The following TANGO6 variants were observed in gnomAD, a reference collection of about 807,000 sequenced individuals.
TANGO6 encodes the protein transport and Golgi organization protein 6 homolog.
Under a neutral mutation model 114.2 loss-of-function variants are expected in TANGO6, and 90 were observed. The ratio of observed to expected loss-of-function variants is 0.79; its 90% CI spans 0.66 to 0.94. The LOEUF (loss-of-function observed/expected upper bound fraction) is 0.94, where lower values mean the gene tolerates loss of function less well. TANGO6 is among the 40% of genes least tolerant of loss of function. The pLI, the probability that TANGO6 is intolerant of heterozygous loss-of-function variation, is 0.00. For missense variants in TANGO6, 1,274 were observed against 1,315.3 expected, an observed-to-expected ratio of 0.97 and a Z score of 0.49; for synonymous variants, 477 against 509.8, an observed-to-expected ratio of 0.94 and a Z score of 0.87.
intron 17 of TANGO6, among the ~76,000 whole-genome samples, chr16:69,072,342 C>G (rs2152243376): frequency 6.6e-6 from 1 of 152,206 alleles, no homozygotes; most frequent in African/African-American, 2.4e-5. Context: ...GAGACGCACC[C>G]AGCCTACTCA....
intron 17 of TANGO6, among the ~76,000 whole-genome samples, chr16:69,060,917 G>A (rs1424284575): frequency 2.0e-5 from 3 of 151,852 alleles, no homozygotes; most frequent in Non-Finnish European, 2.9e-5. Flanking sequence ...ACTTGAACCC[G>A]GGAGGCAGAG....
chr16:69,025,771 C>CTT (rs75186260), intron 16 of TANGO6: 5 of 140,774 alleles, frequency 3.6e-5, no homozygotes, highest in Non-Finnish European at 6.2e-5. Flanking sequence ...TGCACCTGGC[C>CTT]TTTTTTTTTT....
intron 7 of TANGO6, among the ~76,000 whole-genome samples, chr16:68,890,686 A>G (rs1194230710): frequency 6.6e-6 from 1 of 152,070 alleles, no homozygotes; most frequent in African/African-American, 2.4e-5. Context: ...GGAGTTCAAG[A>G]CCAGCCTGGC....
intron 16 of TANGO6, among the ~76,000 whole-genome samples, chr16:69,028,280 T>C (rs1959538350): frequency 1.3e-5 from 2 of 152,256 alleles, no homozygotes; most frequent in South Asian, 4.1e-4. Context: ...TTATTATTTT[T>C]AAATAATGGC....
chr16:69,034,894 GT>G (rs984968071), intron 16 of TANGO6: 160 of 76,226 alleles, frequency 2.1e-3, no homozygotes, highest in African/African-American at 7.6e-3. Context: ...ATTTTTCCTT[GT>G]TCTTGTCAAA....
intron 12 of TANGO6, 77 bp from the exon 13 acceptor site, chr16:68,927,491 T>G: frequency 6.7e-7 from 1 of 1,501,702 alleles, no homozygotes; most frequent in Non-Finnish European, 9.0e-7. Flanking sequence ...TTTCTCAGAA[T>G]ATGTTTCCTG....
intron 15 of TANGO6, among the ~76,000 whole-genome samples, chr16:68,990,990 C>G (rs1963941628): frequency 6.6e-6 from 1 of 152,034 alleles, no homozygotes; most frequent in Non-Finnish European, 1.5e-5. Flanking sequence ...GATGGTAGAT[C>G]TCGAACAAAG....
chr16:69,062,219 C>T (rs1960129196), intron 17 of TANGO6, among the ~76,000 whole-genome samples: 1 of 152,100 alleles, frequency 6.6e-6, no homozygotes, highest in African/African-American at 2.4e-5. Flanking sequence ...TCAGAAAATT[C>T]CAAGAAGTGC....
intron 4 of TANGO6, among the ~76,000 whole-genome samples, chr16:68,868,861 T>G (rs531601464): frequency 2.0e-5 from 3 of 152,294 alleles, no homozygotes; most frequent in Admixed American, 1.3e-4. Context: ...TGTATCTACC[T>G]CTCACCATGT....
chr16:69,065,076 C>T (rs1244049611), intron 17 of TANGO6, among the ~76,000 whole-genome samples: 3 of 152,230 alleles, frequency 2.0e-5, no homozygotes, highest in South Asian at 2.1e-4. Flanking sequence ...GCACACACTT[C>T]GACCATTTTC....
intron 9 of TANGO6, among the ~76,000 whole-genome samples, chr16:68,905,778 T>G (rs1465888582): frequency 1.3e-5 from 2 of 150,636 alleles, no homozygotes; most frequent in African/African-American, 2.4e-5. Context: ...GAGGCTGAAG[T>G]GGGAGGATTG....
chr16:68,882,302 C>A (rs1054561692), intron 7 of TANGO6, among the ~76,000 whole-genome samples: 2 of 151,936 alleles, frequency 1.3e-5, no homozygotes, highest in African/African-American at 4.8e-5. Context: ...TGAGACCATC[C>A]TGGCTAACAT....
chr16:68,907,705 A>G, intron 10 of TANGO6, 130 bp downstream of exon 10: 3 of 1,122,352 alleles, frequency 2.7e-6, no homozygotes, highest in South Asian at 3.7e-5. Flanking sequence ...TGGTCAGAGG[A>G]CATAAAGGAA....
At chr16:68,871,499 T>C (rs190822970) in intron 4 of TANGO6, among the ~76,000 whole-genome samples, 1 of 152,324 alleles carries the variant, frequency 6.6e-6, no homozygotes, top group Admixed American at 6.5e-5. Flanking sequence ...TCCCCTCAGA[T>C]CTCTCTTTCT....
chr16:69,004,691 A>G (rs1006345166), intron 15 of TANGO6, among the ~76,000 whole-genome samples: 5 of 152,202 alleles, frequency 3.3e-5, no homozygotes, highest in Non-Finnish European at 5.9e-5. Flanking sequence ...ACTTGTCCAC[A>G]TGGCTAAACT....
chr16:69,015,210 A>G (rs898744084), intron 15 of TANGO6, among the ~76,000 whole-genome samples: 10 of 152,162 alleles, frequency 6.6e-5, no homozygotes, highest in Non-Finnish European at 1.2e-4. Flanking sequence ...TAGGCTATGT[A>G]TGTGAGGCCT....
intron 15 of TANGO6, among the ~76,000 whole-genome samples, chr16:68,996,446 T>C (rs1963990064): frequency 6.6e-6 from 1 of 152,034 alleles, no homozygotes; most frequent in Non-Finnish European, 1.5e-5. Context: ...TTAACAGTAG[T>C]GAGGTAGAGT....
intron 14 of TANGO6, among the ~76,000 whole-genome samples, chr16:68,949,600 G>A (rs1249233549): frequency 6.6e-6 from 1 of 150,856 alleles, no homozygotes; most frequent in Admixed American, 6.6e-5. Flanking sequence ...TAGCTTGGGA[G>A]ATGAGCGAAA....
intron 17 of TANGO6, 81 bp from the exon 18 acceptor site, chr16:69,083,404 G>A (rs1960494259): frequency 6.9e-7 from 1 of 1,446,350 alleles, no homozygotes; most frequent in African/African-American, 1.4e-5. Context: ...GATCTCCTCA[G>A]GCAGGAGGAG....
Sources: gnomAD v4.1 joint callset for allele counts (sites outside exome capture counted in the v4.1 genomes callset) on GRCh38, gnomAD v4.1.1 for gene constraint, MANE v1.5 for transcripts, NCBI Gene and HGNC (gene_info 2026-07-23, HGNC 2026-07-21) for gene names.